LRRC37A: variants seen among roughly 807,000 people sequenced by gnomAD.
LRRC37A encodes leucine rich repeat containing 37A, also known as leucine-rich repeat-containing protein 37A.
Under a neutral mutation model 35.4 loss-of-function variants are expected in LRRC37A, and 3 were observed. The ratio of observed to expected loss-of-function variants is 0.08; its 90% CI spans 0.04 to 0.22. The LOEUF (loss-of-function observed/expected upper bound fraction) is 0.22, where lower values mean the gene tolerates loss of function less well. Among genes scored for constraint, LRRC37A ranks in the 10% least tolerant of loss-of-function variants. The pLI, the probability that LRRC37A is intolerant of heterozygous loss-of-function variation, is 1.00. For missense variants in LRRC37A, 67 were observed against 565.3 expected, an observed-to-expected ratio of 0.12 and a Z score of 8.94; for synonymous variants, 23 against 215.0, an observed-to-expected ratio of 0.11 and a Z score of 7.81.
chr17:46,276,090 C>T, the LRRC37A span, among the ~76,000 whole-genome samples: 1 of 152,190 alleles, frequency 6.6e-6, no homozygotes, highest in African/African-American at 2.4e-5. Context: ...GAGGTTTCAC[C>T]ATGTTGGCCA....
intron 7 of LRRC37A, among the ~76,000 whole-genome samples, 161 bp downstream of exon 7, chr17:46,323,188 AACC>A (rs1420515032): frequency 2.9e-5 from 1 of 35,080 alleles, no homozygotes; most frequent in African/African-American, 7.2e-5. Flanking sequence ...ATAGTTACAT[AACC>A]ACCACCACAT....
chr17:46,269,913 C>A, the LRRC37A span, among the ~76,000 whole-genome samples: 1 of 152,182 alleles, frequency 6.6e-6, no homozygotes, highest in African/African-American at 2.4e-5. Flanking sequence ...AACCTTGGAA[C>A]CAATATTAAC....
At chr17:46,254,259 G>A in the LRRC37A span, among the ~76,000 whole-genome samples, 8 of 152,050 alleles carry the variant, frequency 5.3e-5, no homozygotes, top group African/African-American at 1.9e-4. Flanking sequence ...TAATTCACAT[G>A]AAGAATTTTT....
the LRRC37A span, among the ~76,000 whole-genome samples, chr17:46,284,287 C>T: frequency 6.6e-6 from 1 of 152,232 alleles, no homozygotes; most frequent in Non-Finnish European, 1.5e-5. Context: ...TGCGGCCTTC[C>T]GCAGTGTTTG....
chr17:46,275,598 T>G, the LRRC37A span, among the ~76,000 whole-genome samples: 1 of 152,384 alleles, frequency 6.6e-6, no homozygotes. Context: ...AACTTTTCAC[T>G]GTACACTAAG....
the LRRC37A span, among the ~76,000 whole-genome samples, chr17:46,256,708 A>C: frequency 6.6e-6 from 1 of 152,192 alleles, no homozygotes; most frequent in East Asian, 1.9e-4. Flanking sequence ...CTATGTCTGA[A>C]AGCCAAAAAT....
chr17:46,275,254 C>T, the LRRC37A span: 1 of 481,294 alleles, frequency 2.1e-6, no homozygotes, highest in Non-Finnish European at 3.4e-6. Flanking sequence ...CTGTTATGAC[C>T]AATAAAAACA....
the LRRC37A span, among the ~76,000 whole-genome samples, chr17:46,266,396 C>T: frequency 6.6e-6 from 1 of 152,166 alleles, no homozygotes; most frequent in Non-Finnish European, 1.5e-5. Context: ...CAGACATTCT[C>T]GGGGACAACT....
the LRRC37A span, among the ~76,000 whole-genome samples, chr17:46,259,370 C>A: frequency 2.6e-5 from 4 of 152,200 alleles, no homozygotes; most frequent in African/African-American, 9.7e-5. Context: ...CAACTTAAGC[C>A]AAACCTAAGC....
At chr17:46,278,597 T>C in the LRRC37A span, among the ~76,000 whole-genome samples, 7 of 151,666 alleles carry the variant, frequency 4.6e-5, no homozygotes, top group Non-Finnish European at 8.8e-5. Flanking sequence ...AGAGATGAGG[T>C]TTCACCATCT....
At chr17:46,278,192 C>T in the LRRC37A span, among the ~76,000 whole-genome samples, 4 of 152,038 alleles carry the variant, frequency 2.6e-5, no homozygotes, top group Non-Finnish European at 5.9e-5. Context: ...ATGATCCACC[C>T]GCCTTGGCCT....
At chr17:46,265,197 A>G in the LRRC37A span, among the ~76,000 whole-genome samples, 52 of 113,126 alleles carry the variant, frequency 4.6e-4, no homozygotes, top group Middle Eastern at 0.011. Context: ...TTCAGCTGCA[A>G]TTTGGCAAAT....
the LRRC37A span, among the ~76,000 whole-genome samples, chr17:46,283,274 A>G: frequency 6.6e-6 from 1 of 152,256 alleles, no homozygotes; most frequent in African/African-American, 2.4e-5. Flanking sequence ...ATACACTGAG[A>G]CTTCTGAAAA....
At chr17:46,268,495 T>C in the LRRC37A span, 1 of 1,363,318 alleles carries the variant, frequency 7.3e-7, no homozygotes, top group Non-Finnish European at 9.6e-7. Flanking sequence ...TTCTGGTTAT[T>C]TTGTCCAGGC....
At chr17:46,333,107 T>C (rs1196707003) in intron 10 of LRRC37A, among the ~76,000 whole-genome samples, 18 of 122,344 alleles carry the variant, frequency 1.5e-4, no homozygotes, top group African/African-American at 2.8e-5. Flanking sequence ...TGTAGACTTA[T>C]TAGATTTACA....
chr17:46,290,877 G>T (rs923772526), upstream of LRRC37A, among the ~76,000 whole-genome samples: 47 of 152,212 alleles, frequency 3.1e-4, no homozygotes, highest in African/African-American at 1.1e-3. Flanking sequence ...TTGCCTAAAG[G>T]TAAGGTCCAT....
At chr17:46,249,055 T>C in the LRRC37A span, among the ~76,000 whole-genome samples, 9,018 of 129,258 alleles carry the variant, frequency 0.07, no homozygotes, top group Non-Finnish European at 0.11. Flanking sequence ...GTATTTAAAG[T>C]ATACCTGAGG....
At chr17:46,275,062 T>C in the LRRC37A span, 1 of 181,402 alleles carries the variant, frequency 5.5e-6, no homozygotes, top group Non-Finnish European at 1.1e-5. Flanking sequence ...ACAGCTAATT[T>C]TGTATTTTTG....
chr17:46,274,576 T>C, the LRRC37A span, among the ~76,000 whole-genome samples: 1 of 152,246 alleles, frequency 6.6e-6, no homozygotes, highest in Non-Finnish European at 1.5e-5. Flanking sequence ...ATGGATTATA[T>C]GTAACCGTGG....
Sources: allele counts gnomAD v4.1 joint callset (sites outside exome capture counted in the v4.1 genomes callset), GRCh38; gene constraint gnomAD v4.1.1; transcripts MANE v1.5; gene names NCBI Gene and HGNC (gene_info 2026-07-23, HGNC 2026-07-21).